Variants in EFCAB3 observed in about 807,000 individuals in gnomAD.
EFCAB3 encodes the protein EF-hand calcium-binding domain-containing protein 3.
In EFCAB3, 36 loss-of-function variants were observed where a neutral mutation model predicts 42.2. That is an observed-to-expected ratio of 0.85 (90% CI 0.65 to 1.13). The LOEUF (loss-of-function observed/expected upper bound fraction) is 1.13, where lower values mean the gene tolerates loss of function less well. Ranked by LOEUF, EFCAB3 falls within the 50% of genes most tolerant of loss-of-function variation. EFCAB3 has a pLI of 0.00. For synonymous variants in EFCAB3, 170 were observed against 172.8 expected (o/e 0.98, Z 0.13); for missense variants, 418 against 505.1 (o/e 0.83, Z 1.65).
At chr17:62,373,999 A>G (rs2070132420) in intron 2 of EFCAB3, 5 of 485,602 alleles carry the variant, frequency 1.0e-5, no homozygotes, top group Non-Finnish European at 1.8e-5. Flanking sequence ...AAATGAAAAG[A>G]TGAAAAAAGG....
chr17:62,413,652 ATACT>A (rs1400735923), intron 8 of EFCAB3, 76 bp from the exon 9 acceptor site: 1 of 1,129,432 alleles, frequency 8.9e-7, no homozygotes, highest in East Asian at 2.6e-5. Flanking sequence ...ATAATAAAAT[ATACT>A]TATTTATTAT....
At position 62,373,078 on chromosome 17, in the gene EFCAB3, C is replaced by T. The variant is rs183396870; in HGVS notation, c.35-736C>T. Among the ~76,000 whole-genome samples the T allele has an allele frequency of 3.2e-3, 481 of 151,904 alleles. 3 individuals are homozygous for T. The highest frequency in any genetic ancestry group is 0.011 in the African/African-American group (453 of 41,418). ...GGTGGATTGCTTGAGACCAGGAGTT[C>T]GAGACCAGCCTGGCCAACCTGGCGA... On this transcript the variant is annotated intron_variant, in intron 1 of 11. Transcript: ENST00000450662.
intron 1 of EFCAB3, among the ~76,000 whole-genome samples, chr17:62,371,303 CCAA>C (rs1288265671): frequency 6.6e-6 from 1 of 151,996 alleles, no homozygotes; most frequent in Non-Finnish European, 1.5e-5. Flanking sequence ...ACCCGTAATC[CCAA>C]CACTTTGGGA....
intron 3 of EFCAB3, among the ~76,000 whole-genome samples, chr17:62,390,468 A>G (rs1432791736): frequency 6.6e-6 from 1 of 152,156 alleles, no homozygotes; most frequent in African/African-American, 2.4e-5. Context: ...ATCCACCCAG[A>G]ATTACTTTTT....
At chr17:62,400,478 G>A (rs2070391393) in intron 6 of EFCAB3, among the ~76,000 whole-genome samples, 1 of 152,164 alleles carries the variant, frequency 6.6e-6, no homozygotes, top group Non-Finnish European at 1.5e-5. Context: ...AACATGCGGT[G>A]TTTGGTTTTC....
chr17:62,378,634 A>G (rs1419625916), upstream of EFCAB3, among the ~76,000 whole-genome samples: 1 of 152,106 alleles, frequency 6.6e-6, no homozygotes, highest in Non-Finnish European at 1.5e-5. Flanking sequence ...CAGGAATTGG[A>G]GGCTGCATTG....
At chr17:62,395,265 C>A in intron 6 of EFCAB3, 77 bp downstream of exon 6, 1 of 1,547,880 alleles carries the variant, frequency 6.5e-7, no homozygotes, top group Non-Finnish European at 8.7e-7. Context: ...TCAGCTCCCA[C>A]TAACATCCAA....
chr17:62,398,722 C>CACAT (rs572292358), intron 6 of EFCAB3, among the ~76,000 whole-genome samples: 48 of 151,188 alleles, frequency 3.2e-4, no homozygotes, highest in African/African-American at 1.0e-3. Context: ...CACACACACA[C>CACAT]ATATATATAT....
chr17:62,405,448 G>C (rs1484611183), intron 6 of EFCAB3, among the ~76,000 whole-genome samples: 1 of 152,234 alleles, frequency 6.6e-6, no homozygotes, highest in Non-Finnish European at 1.5e-5. Flanking sequence ...ATCAGCCTAT[G>C]TATTAATGAG....
Position 62,387,321 on chromosome 17 carries a change from T to C in EFCAB3, c.75-19T>C, listed in dbSNP as rs1489873926. The C allele has an allele frequency of 1.3e-6, 2 of 1,589,240 alleles. No individual in the cohort carries two copies. Among genetic ancestry groups the C allele is most frequent in the Admixed American group, 3.4e-5 (2 of 58,476 alleles). On this transcript the variant is annotated intron_variant, in intron 2 of 9. Transcript: ENST00000305286. ...TTCACATAGGTAGTAAATCTAAATA[T>C]TTTCACATCTTTCCTCAGGGATAGA...
Position 62,393,635 on chromosome 17 carries a change from A to G in EFCAB3, c.358A>G (p.Lys120Glu), listed in dbSNP as rs762816457. ...TCTAACAGATAAGAATCTCTTCCTC[A>G]AGGCAGTGGGTGAGTAGAGATGTTA... is the stretch of plus-strand genomic sequence containing the variant. ...KVLTDKNLFL[K>E]AVVPEKETCL... Residue 120 changes from lysine (K) to glutamate (E), a missense_variant, in exon 5 of 10, where the codon AAG becomes GAG. Lys to Glu is a moderately conservative substitution (Grantham distance 56). Transcript: ENST00000305286. The G allele has an allele frequency of 6.2e-7, 1 of 1,614,004 alleles. No homozygotes were observed. Among genetic ancestry groups the G allele is most frequent in the South Asian group, 1.1e-5 (1 of 91,072 alleles).
intron 6 of EFCAB3, 132 bp downstream of exon 6, chr17:62,395,320 G>T: frequency 8.6e-7 from 1 of 1,161,704 alleles, no homozygotes; most frequent in East Asian, 2.4e-5. Context: ...AGGTATCTGG[G>T]CAAATGCCCT....
rs145515583 is a variant in EFCAB3 at position 62,404,063 on chromosome 17, G to A, written c.489-2417G>A. On this transcript the variant is annotated intron_variant, in intron 6 of 9. Transcript: ENST00000305286. ...TGCCTAAAACAGTTTCCCCCTTTGT[G>A]AGTCAGTTTCCTAGGGCTGTCATAA... is the stretch of plus-strand genomic sequence containing the variant. Among the ~76,000 whole-genome samples, 333 of 152,196 alleles carry A rather than the reference G, an allele frequency of 2.2e-3. 2 individuals are homozygous for A. Among genetic ancestry groups the A allele is most frequent in the Non-Finnish European group, 2.6e-3 (180 of 67,988 alleles).
intron 5 of EFCAB3, among the ~76,000 whole-genome samples, chr17:62,393,966 T>G (rs1460591493): frequency 6.6e-6 from 1 of 151,952 alleles, no homozygotes; most frequent in African/African-American, 2.4e-5. Context: ...GTCTTTTTTT[T>G]TTTTTTGAGA....
rs1160843041 is a variant in EFCAB3 at position 62,404,779 on chromosome 17, A to C, written c.489-1701A>C. Among the ~76,000 whole-genome samples, 4 of 152,196 alleles carry C rather than the reference A, an allele frequency of 2.6e-5. No homozygotes were observed. The East Asian group carries it at 7.7e-4, about 29-fold the overall frequency. On this transcript the variant is annotated intron_variant, in intron 6 of 9. Coordinates refer to ENST00000305286, the MANE Select transcript of EFCAB3 (RefSeq NM_173503.4). ...CCATTGCACTCCAGCCTGGGCAACA[A>C]GAACAAAATTCCATCTCAAAAAATA... is the stretch of plus-strand genomic sequence containing the variant.
intron 8 of EFCAB3, among the ~76,000 whole-genome samples, chr17:62,410,571 T>G (rs2070486662): frequency 6.6e-6 from 1 of 151,974 alleles, no homozygotes. Context: ...CTAGGCAGCA[T>G]GGTAAAATTC....
chr17:62,406,960 A>C, intron 7 of EFCAB3, 68 bp from the exon 8 acceptor site: 1 of 1,496,344 alleles, frequency 6.7e-7, no homozygotes, highest in Non-Finnish European at 9.0e-7. Flanking sequence ...CAGGCACCAC[A>C]TGCTGGTCTT....
chr17:62,391,773 T>A, intron 3 of EFCAB3, 49 bp from the exon 4 acceptor site: 1 of 1,594,320 alleles, frequency 6.3e-7, no homozygotes. Context: ...TTAGTGTATG[T>A]ACTTCTTCTT....
chr17:62,413,559 A>T (rs558032277), intron 8 of EFCAB3, among the ~76,000 whole-genome samples, 173 bp from the exon 9 acceptor site: 5 of 152,244 alleles, frequency 3.3e-5, no homozygotes, highest in East Asian at 1.9e-4. Context: ...GCCAAATGCC[A>T]CTCCTGAGGG....
Sources: gnomAD v4.1 joint callset for allele counts (sites outside exome capture counted in the v4.1 genomes callset) on GRCh38, gnomAD v4.1.1 for gene constraint, MANE v1.5 for transcripts, NCBI Gene and HGNC (gene_info 2026-07-23, HGNC 2026-07-21) for gene names.